The following GSAP variants were observed in gnomAD, a reference collection of about 807,000 sequenced individuals.
The protein encoded by GSAP is gamma-secretase activating protein, also known as gamma-secretase-activating protein.
Under a neutral mutation model 131.7 loss-of-function variants are expected in GSAP, and 118 were observed. The ratio of observed to expected loss-of-function variants is 0.90; its 90% CI spans 0.77 to 1.04. GSAP has a LOEUF of 1.04. Ranked by LOEUF, GSAP falls within the 50% of genes least tolerant of loss-of-function variation. The probability of loss-of-function intolerance (pLI) is 0.00; values close to 1 mark genes in which losing one functional copy is unlikely to be tolerated. For synonymous variants in GSAP, 381 were observed against 363.4 expected (o/e 1.05, Z -0.55); for missense variants, 1,019 against 1,013.2 (o/e 1.01, Z -0.08).
At chr7:77,398,067 T>A (rs1377831611) in intron 3 of GSAP, among the ~76,000 whole-genome samples, 1 of 152,144 alleles carries the variant, frequency 6.6e-6, no homozygotes, top group Non-Finnish European at 1.5e-5. Flanking sequence ...AAAATGCCCA[T>A]GCAGGAGGAT....
chr7:77,341,951 C>CT (rs1024144720), intron 19 of GSAP, among the ~76,000 whole-genome samples: 1 of 152,166 alleles, frequency 6.6e-6, no homozygotes, highest in Non-Finnish European at 1.5e-5. Context: ...TCAGGACCTC[C>CT]TCCCCCAGGA....
At chr7:77,371,011 C>T (rs1250051962) in intron 12 of GSAP, among the ~76,000 whole-genome samples, 1 of 152,106 alleles carries the variant, frequency 6.6e-6, no homozygotes, top group African/African-American at 2.4e-5. Flanking sequence ...AGATCTTATT[C>T]ATAAGTGTCC....
chr7:77,322,277 C>G (rs1423107980), intron 24 of GSAP, among the ~76,000 whole-genome samples: 2 of 152,232 alleles, frequency 1.3e-5, no homozygotes, highest in Non-Finnish European at 2.9e-5. Flanking sequence ...GCCAGCCACT[C>G]TCCTTAGAGG....
chr7:77,353,498 C>T, intron 17 of GSAP, 74 bp downstream of exon 17: 1 of 885,732 alleles, frequency 1.1e-6, no homozygotes, highest in Non-Finnish European at 1.9e-6. Flanking sequence ...GAGGCATTCA[C>T]TATCAATTTA....
chr7:77,344,647 T>C (rs977885057), intron 19 of GSAP, among the ~76,000 whole-genome samples: 2 of 152,258 alleles, frequency 1.3e-5, no homozygotes, highest in Non-Finnish European at 2.9e-5. Flanking sequence ...CTCCTGGTGC[T>C]ATCCCCAACT....
At chr7:77,348,761 G>A (rs375528367) in intron 19 of GSAP, among the ~76,000 whole-genome samples, 1 of 152,194 alleles carries the variant, frequency 6.6e-6, no homozygotes. Flanking sequence ...CTATTGTGAA[G>A]CCACCAGGTT....
chr7:77,399,977 C>T (rs1801048614), intron 3 of GSAP, among the ~76,000 whole-genome samples: 1 of 152,060 alleles, frequency 6.6e-6, no homozygotes, highest in Non-Finnish European at 1.5e-5. Context: ...CAAACACACA[C>T]CCATGCTCTC....
At chr7:77,375,875 C>T (rs942144422) in intron 10 of GSAP, among the ~76,000 whole-genome samples, 1 of 151,276 alleles carries the variant, frequency 6.6e-6, no homozygotes, top group Non-Finnish European at 1.5e-5. Flanking sequence ...AAAAAACAAC[C>T]ACCATATTGT....
At chr7:77,325,005 G>A (rs531112327) in intron 23 of GSAP, among the ~76,000 whole-genome samples, 3 of 151,778 alleles carry the variant, frequency 2.0e-5, no homozygotes, top group East Asian at 1.9e-4. Flanking sequence ...TAGTAGAGAC[G>A]GTGTTTCACC....
chr7:77,326,006 T>C (rs1166911231), intron 23 of GSAP, among the ~76,000 whole-genome samples: 1 of 152,232 alleles, frequency 6.6e-6, no homozygotes, highest in Non-Finnish European at 1.5e-5. Flanking sequence ...GATGCATGTG[T>C]GTCTTCCCCC....
chr7:77,412,287 TTTGA>T (rs754354462), intron 1 of GSAP, among the ~76,000 whole-genome samples: 6 of 152,300 alleles, frequency 3.9e-5, no homozygotes, highest in African/African-American at 4.8e-5. Context: ...AAAAGGACTG[TTTGA>T]TTGATAATAT....
intron 13 of GSAP, 66 bp from the exon 14 acceptor site, chr7:77,360,967 G>A (rs1794449265): frequency 1.1e-6 from 1 of 883,718 alleles, no homozygotes. Context: ...CCAAGGCAGT[G>A]ACTATGTAAC....
intron 19 of GSAP, among the ~76,000 whole-genome samples, chr7:77,344,729 T>C (rs1387360530): frequency 6.6e-6 from 1 of 152,194 alleles, no homozygotes; most frequent in African/African-American, 2.4e-5. Context: ...ACTTTCACCC[T>C]GACGAAGTCC....
intron 28 of GSAP, among the ~76,000 whole-genome samples, chr7:77,313,036 A>T: frequency 6.6e-6 from 1 of 151,740 alleles, no homozygotes; most frequent in East Asian, 1.9e-4. Context: ...ATATTCCCTC[A>T]TGTTTCTCAT....
Position 77,404,590 on chromosome 7 carries a change from C to A in GSAP, c.212G>T (p.Gly71Val). ...YKDDKGNVVF[G>V]LYDCQTRQNE... ...TTGTCTGGTTTGACAATCATATAAT[C>A]CAAAGACGACATTTCCCTTATCATC... Residue 71 changes from glycine (G) to valine (V), a missense_variant, in exon 3 of 31, where the codon GGA becomes GTA. Gly to Val is a moderately radical substitution (Grantham distance 109, BLOSUM62 -3). Transcript: ENST00000257626. 1 of 1,555,294 alleles carries A rather than the reference C, an allele frequency of 6.4e-7. No homozygotes were observed. The highest frequency in any genetic ancestry group is 8.9e-7 in the Non-Finnish European group (1 of 1,128,642).
rs767644462 is a variant in GSAP, at chr7:77,397,415, G to A, written c.244C>T (p.Leu82Phe). Residue 82 changes from leucine (L) to phenylalanine (F), a missense_variant and splice_region_variant, in exon 4 of 31, where the codon CTT (leucine) becomes TTT (phenylalanine). By Grantham distance (22) the Leu-to-Phe change is conservative (BLOSUM62 0). Transcript: ENST00000257626. ...LYDCQTRQNELLYTFEKDLQV... is the reference protein window; with the variant it reads ...LYDCQTRQNEFLYTFEKDLQV... ...AAGTCTTTCTCAAAGGTATATAGAA[G>A]CTATTAAAACAAAAATATTTTTTAA... 35 of 1,534,020 alleles carry A rather than the reference G, an allele frequency of 2.3e-5. No homozygotes were observed. The highest frequency in any genetic ancestry group is 1.7e-5 in the Non-Finnish European group (19 of 1,116,996).
At chr7:77,386,078 T>A (rs1798522645) in intron 6 of GSAP, among the ~76,000 whole-genome samples, 1 of 152,084 alleles carries the variant, frequency 6.6e-6, no homozygotes, top group Non-Finnish European at 1.5e-5. Flanking sequence ...AGGGAGTTGA[T>A]CATAATCCTG....
In GSAP at chr7:77,387,332, A is replaced by G. The variant is rs112714469; in HGVS notation, c.456+28T>C. The G allele has an allele frequency of 1.4e-4, 150 of 1,108,032 alleles. 1 individual carries two copies. In the African/African-American group the frequency reaches 1.7e-3, roughly 13 times the overall value. The allele number at this position is 1,108,032 out of a possible 1,614,324, so 68.6% of individuals were successfully genotyped here. On this transcript the variant is annotated intron_variant, in intron 6 of 30. Transcript: ENST00000257626. ...GGCTGCATGCCTTTTGATTAATGAG[A>G]TAAGTGATAAATGGCATGCTTACTT... is the stretch of plus-strand genomic sequence containing the variant.
At chr7:77,400,247 C>T (rs534320739) in intron 3 of GSAP, among the ~76,000 whole-genome samples, 1 of 152,252 alleles carries the variant, frequency 6.6e-6, no homozygotes, top group Admixed American at 6.5e-5. Context: ...ACAAGCTTTC[C>T]CCCACCAAGA....
Sources: gnomAD v4.1 joint callset for allele counts (sites outside exome capture counted in the v4.1 genomes callset) on GRCh38, gnomAD v4.1.1 for gene constraint, MANE v1.5 for transcripts, NCBI Gene and HGNC (gene_info 2026-07-23, HGNC 2026-07-21) for gene names.